TNFRSF1B: variants seen among roughly 807,000 people sequenced by gnomAD.
The protein encoded by TNFRSF1B is TNF receptor superfamily member 1B, also known as tumor necrosis factor receptor superfamily member 1B.
Under a neutral mutation model 44.6 loss-of-function variants are expected in TNFRSF1B, and 19 were observed. The ratio of observed to expected loss-of-function variants is 0.43; its 90% CI spans 0.30 to 0.62. TNFRSF1B has a LOEUF of 0.62. Among genes scored for constraint, TNFRSF1B ranks in the 20% least tolerant of loss-of-function variants. The pLI is 0.16. For synonymous variants in TNFRSF1B, 252 were observed against 261.1 expected, an observed-to-expected ratio of 0.97 and a Z score of 0.34; for missense variants, 541 against 619.9, an observed-to-expected ratio of 0.87 and a Z score of 1.35.
chr1:12,203,145 A>AG (rs1639427948), intron 9 of TNFRSF1B, among the ~76,000 whole-genome samples: 1 of 152,196 alleles, frequency 6.6e-6, no homozygotes, highest in Non-Finnish European at 1.5e-5. Context: ...TCAGGGAATG[A>AG]CCATGAACTT....
chr1:12,192,464 G>A lies in TNFRSF1B; in HGVS notation c.491G>A (p.Cys164Tyr), dbSNP rs1487073047. Residue 164 changes from cysteine (C) to tyrosine (Y), a missense_variant, in exon 5 of 10, where the codon TGT becomes TAT. Transcript: ENST00000376259. ...ACATCAGACGTGGTGTGCAAGCCCT[G>A]TGCCCCGGGGACGTTCTCCAACACG... ...TETSDVVCKP[C>Y]APGTFSNTTS... 6.2e-7 allele frequency: 1 copy of A among 1,614,148 alleles called. No homozygotes were observed. Among genetic ancestry groups the A allele is most frequent in the South Asian group, 1.1e-5 (1 of 91,072 alleles).
At chr1:12,179,588 G>T (rs1557626223) in intron 1 of TNFRSF1B, among the ~76,000 whole-genome samples, 2 of 152,186 alleles carry the variant, frequency 1.3e-5, no homozygotes, top group Non-Finnish European at 2.9e-5. Context: ...CCTTTTGCCT[G>T]GGAGAGTCAC....
intron 8 of TNFRSF1B, among the ~76,000 whole-genome samples, chr1:12,196,959 C>CTT (rs1173257674): frequency 3.5e-5 from 5 of 143,118 alleles, no homozygotes; most frequent in Non-Finnish European, 7.7e-5. Flanking sequence ...TTCTTTCTTT[C>CTT]TTTTTTTTTT....
At chr1:12,183,459 T>A (rs926783891) in intron 1 of TNFRSF1B, among the ~76,000 whole-genome samples, 3 of 151,970 alleles carry the variant, frequency 2.0e-5, no homozygotes, top group African/African-American at 7.3e-5. Context: ...TCTCTCTCTC[T>A]CTCTCTCTCT....
chr1:12,169,083 G>A lies in TNFRSF1B; in HGVS notation c.78+1914G>A, dbSNP rs961669566. On this transcript the variant is annotated intron_variant, in intron 1 of 9. Coordinates refer to ENST00000376259, the MANE Select transcript of TNFRSF1B (RefSeq NM_001066.3). This position sits in a 1 kb window ranked among gnomAD's most constrained non-coding sequence, Gnocchi z 4.5. ...ACACTTCTTACCCCTATCCTTCAAG[G>A]CCTTCTGCAAATGCCATTCTCTCCA... Among the ~76,000 whole-genome samples, 1 of 152,126 alleles carries A rather than the reference G, an allele frequency of 6.6e-6. No individual in the cohort carries two copies. The highest frequency in any genetic ancestry group is 1.5e-5 in the Non-Finnish European group (1 of 68,022).
intron 1 of TNFRSF1B, among the ~76,000 whole-genome samples, chr1:12,184,896 C>T (rs542274319): frequency 7.2e-5 from 11 of 152,248 alleles, no homozygotes; most frequent in South Asian, 6.2e-4. Context: ...GGCCACTGTG[C>T]GGGGTGGGGG....
intron 6 of TNFRSF1B, 196 bp downstream of exon 6, chr1:12,193,294 T>C (rs636964): frequency 0.18 from 122,782 of 697,016 alleles, 11,434 homozygotes; most frequent in Middle Eastern, 0.24. Context: ...GTGCGTGGGC[T>C]GGATGCAGTG....
At chr1:12,197,928 A>G (rs1570168133) in intron 8 of TNFRSF1B, among the ~76,000 whole-genome samples, 1 of 152,154 alleles carries the variant, frequency 6.6e-6, no homozygotes. Flanking sequence ...GATCGAGACC[A>G]TCCTGGCTAA....
intron 8 of TNFRSF1B, among the ~76,000 whole-genome samples, chr1:12,198,423 C>T (rs1048428453): frequency 2.6e-5 from 4 of 152,126 alleles, no homozygotes; most frequent in African/African-American, 9.7e-5. Context: ...GAGTGTCTCT[C>T]CTCGCCACCC....
chr1:12,175,195 G>A (rs953012373), intron 1 of TNFRSF1B, among the ~76,000 whole-genome samples: 3 of 152,224 alleles, frequency 2.0e-5, no homozygotes, highest in Non-Finnish European at 4.4e-5. Context: ...GTGGGAGTGG[G>A]CGGGGCCTGG....
rs1297132545 is a variant in TNFRSF1B, at chr1:12,202,006, C to A, written c.940C>A (p.Pro314Thr). The change falls in exon 9 of 10, where the codon CCC becomes ACC. Residue 314 changes from proline to threonine, a missense_variant. Physicochemically the swap from Pro to Thr is conservative, Grantham distance 38. Transcript: ENST00000376259. ...CGATAAGGCCCGGGGTACACAGGGC[C>A]CCGAGCAGCAGCACCTGCTGATCAC... ...PADKARGTQG[P>T]EQQHLLITAP... 17 of 1,613,090 alleles carry A rather than the reference C, an allele frequency of 1.1e-5. No individual in the cohort carries two copies. Among genetic ancestry groups the A allele is most frequent in the Non-Finnish European group, 1.4e-5 (17 of 1,179,840 alleles).
chr1:12,207,096 C>G lies in TNFRSF1B; in HGVS notation c.*76C>G. On this transcript the variant is annotated 3_prime_UTR_variant, in exon 10 of 10. Transcript: ENST00000376259. ...GATGACCCTGCGAAGGGGCCCTGGT[C>G]CTTCCAGGCCCCCACCACTAGGACT... The G allele has an allele frequency of 2.8e-6, 4 of 1,441,072 alleles. No homozygotes were observed. Among genetic ancestry groups the G allele is most frequent in the Non-Finnish European group, 1.9e-6 (2 of 1,080,296 alleles). 89.3% of individuals were successfully genotyped at this position (1,441,072 alleles called of 1,614,324 possible).
rs776730706 is a variant in TNFRSF1B, at chr1:12,194,591, C to G, written c.873C>G (p.Pro291=). ...CCCCTCTCCTCTTTATAGAGAAGCC[C>G]TTGTGCCTGCAGAGAGAAGCCAAGG... ...CVIMTQVKKK[P]LCLQREAKVP... The change falls in exon 8 of 10, where the codon CCC becomes CCG. Residue 291 remains proline (P), a synonymous_variant. Transcript: ENST00000376259. The G allele has an allele frequency of 3.1e-6, 5 of 1,614,186 alleles. No homozygotes were observed. The South Asian group carries it at 5.5e-5, about 18-fold the overall frequency.
chr1:12,192,776 C>T, intron 5 of TNFRSF1B, 87 bp from the exon 6 acceptor site: 2 of 1,193,748 alleles, frequency 1.7e-6, no homozygotes, highest in Non-Finnish European at 2.4e-6. Context: ...ACTCTCCTAT[C>T]CTGCCTGCTG....
Position 12,167,115 on chromosome 1 carries a change from C to T in TNFRSF1B, c.24C>T (p.Ala8=), listed in dbSNP as rs886255288. The change falls in exon 1 of 10, where the codon GCC becomes GCT. Residue 8 remains alanine, a synonymous_variant. Coordinates refer to ENST00000376259, the MANE Select transcript of TNFRSF1B (RefSeq NM_001066.3). ...CCATGGCGCCCGTCGCCGTCTGGGC[C>T]GCGCTGGCCGTCGGACTGGAGCTCT... MAPVAVW[A]ALAVGLELWA... is the part of the protein sequence containing the mutation. 14 of 1,347,528 alleles carry T rather than the reference C, an allele frequency of 1.0e-5. No homozygotes were observed. The highest frequency in any genetic ancestry group is 3.1e-5 in the Admixed American group (1 of 31,804). 83.5% of individuals were successfully genotyped at this position (1,347,528 alleles called of 1,614,324 possible).
Position 12,193,938 on chromosome 1 carries a change from T to C in TNFRSF1B, c.788-17T>C. 6.2e-7 allele frequency: 1 copy of C among 1,610,212 alleles called. No homozygotes were observed. Among genetic ancestry groups the C allele is most frequent in the Non-Finnish European group, 8.5e-7 (1 of 1,176,650 alleles). On this transcript the variant is annotated splice_polypyrimidine_tract_variant and intron_variant, in intron 6 of 9. Transcript: ENST00000376259. The stretch of plus-strand genomic sequence containing the variant: ...GTTTGTTTTCTGTAGCTGTCTGAGC[T>C]TCTCTTTTCTTTCTAGGACTGATTG...
rs1382519291 is a variant in TNFRSF1B at position 12,191,934 on chromosome 1, G to A, written c.457+11G>A. 1.2e-6 allele frequency: 2 copies of A among 1,606,506 alleles called. No individual in the cohort carries two copies. Among genetic ancestry groups the A allele is most frequent in the South Asian group, 2.2e-5 (2 of 90,472 alleles). On this transcript the variant is annotated intron_variant, in intron 4 of 9. Coordinates refer to ENST00000376259, the MANE Select transcript of TNFRSF1B (RefSeq NM_001066.3). ...GCGTGGCCAGACCAGGTACGGGGTG[G>A]GGCTCAGGTCCTTGGGGACGCCCAT...
At chr1:12,198,708 T>TTTTTTTTTTTTTTAG (rs1557638867) in intron 8 of TNFRSF1B, among the ~76,000 whole-genome samples, 1 of 146,834 alleles carries the variant, frequency 6.8e-6, no homozygotes. Flanking sequence ...TTTTTTTTTT[T>TTTTTTTTTTTTTTAG]GAGAAAGAGT....
rs750974996 is a variant in TNFRSF1B at position 12,202,103 on chromosome 1, A to T, written c.1037A>T (p.Asn346Ile). ...SALDRRAPTR[N>I]QPQAPGVEAS... ...TTGGACAGAAGGGCGCCCACTCGGA[A>T]CCAGCCACAGGCACCAGGCGTGGAG... The change falls in exon 9 of 10, where the codon AAC becomes ATC. Residue 346 changes from asparagine (N) to isoleucine (I), a missense_variant. Physicochemically the swap from Asn to Ile is moderately radical, Grantham distance 149. Transcript: ENST00000376259. The T allele has an allele frequency of 1.3e-6, 2 of 1,573,264 alleles. No individual in the cohort carries two copies. Among genetic ancestry groups the T allele is most frequent in the Non-Finnish European group, 1.7e-6 (2 of 1,160,892 alleles).
Sources: allele counts gnomAD v4.1 joint callset (sites outside exome capture counted in the v4.1 genomes callset), GRCh38; gene constraint gnomAD v4.1.1; non-coding constraint Gnocchi (gnomAD v3.1); transcripts MANE v1.5; gene names NCBI Gene and HGNC (gene_info 2026-07-23, HGNC 2026-07-21).